ARL5B: variants seen among roughly 807,000 people sequenced by gnomAD.
ARL5B encodes ARF like GTPase 5B, also known as ADP-ribosylation factor-like protein 5B.
ARL5B carries 10 observed loss-of-function variants against 26.9 expected under a neutral mutation model. The ratio of observed to expected loss-of-function variants is 0.37; its 90% confidence interval spans 0.23 to 0.63. The LOEUF (loss-of-function observed/expected upper bound fraction) is 0.63. ARL5B is among the 30% of genes least tolerant of loss of function. ARL5B has a pLI of 0.62. For synonymous variants in ARL5B, 87 were observed against 70.4 expected, an observed-to-expected ratio of 1.24 and a Z score of -1.18; for missense variants, 167 against 213.9, an observed-to-expected ratio of 0.78 and a Z score of 1.37.
chr10:18,671,877 C>T (rs1001071703), intron 3 of ARL5B, among the ~76,000 whole-genome samples: 5 of 152,160 alleles, frequency 3.3e-5, no homozygotes, highest in Admixed American at 3.3e-4. Context: ...GTCTCAAACT[C>T]CTGGGCTCAA....
At chr10:18,662,767 G>C (rs138903949) in intron 1 of ARL5B, among the ~76,000 whole-genome samples, 7,314 of 150,586 alleles carry the variant, frequency 0.049, 275 homozygotes, top group Non-Finnish European at 0.077. Context: ...GCAGTGGTGC[G>C]ATCTCGGTCC....
At chr10:18,662,438 A>G (rs948423427) in intron 1 of ARL5B, among the ~76,000 whole-genome samples, 2 of 152,266 alleles carry the variant, frequency 1.3e-5, no homozygotes, top group African/African-American at 4.8e-5. Flanking sequence ...AATTCCTGCA[A>G]TTTTGTATTG....
chr10:18,659,787 A>G, intron 1 of ARL5B, 104 bp downstream of exon 1: 1 of 1,547,118 alleles, frequency 6.5e-7, no homozygotes, highest in South Asian at 1.2e-5. Flanking sequence ...GACGCGGAGG[A>G]GGAAGGGACT....
intron 4 of ARL5B, among the ~76,000 whole-genome samples, 168 bp downstream of exon 4, chr10:18,672,873 T>G (rs972766982): frequency 6.6e-6 from 1 of 152,204 alleles, no homozygotes; most frequent in Non-Finnish European, 1.5e-5. Flanking sequence ...TGTTCATTAC[T>G]TTTTCAAACT....
intron 5 of ARL5B, among the ~76,000 whole-genome samples, chr10:18,674,856 T>C (rs1477452772): frequency 6.6e-6 from 1 of 152,162 alleles, no homozygotes; most frequent in Non-Finnish European, 1.5e-5. Context: ...GAAGTTGCTA[T>C]TGACTTTCTC....
chr10:18,665,436 G>T (rs1480006556), intron 1 of ARL5B, among the ~76,000 whole-genome samples: 3 of 152,256 alleles, frequency 2.0e-5, no homozygotes, highest in Non-Finnish European at 4.4e-5. Context: ...CCAGAGGACC[G>T]TGTCTGTTTA....
chr10:18,659,686 GAGA>G lies in ARL5B; in HGVS notation c.46+8_46+10del, dbSNP rs765621006. 3.1e-6 allele frequency: 5 copies of G among 1,612,462 alleles called. No individual in the cohort carries two copies. Among genetic ancestry groups the G allele is most frequent in the Non-Finnish European group, 4.2e-6 (5 of 1,179,388 alleles). On this transcript the variant is annotated splice_donor_5th_base_variant and intron_variant, in intron 1 of 5. Coordinates refer to ENST00000377275, the MANE Select transcript of ARL5B (RefSeq NM_178815.5). ...GTGGAGCCTCTTCTGTAACCAAGGTGAGAAGAATGGAGCTGCGCGGCGGCTCGA... is the reference window on the plus strand; with the variant it reads ...GTGGAGCCTCTTCTGTAACCAAGGTGAGAATGGAGCTGCGCGGCGGCTCGA...
chr10:18,659,972 AG>A, intron 1 of ARL5B: 1 of 978,406 alleles, frequency 1.0e-6, no homozygotes, highest in Non-Finnish European at 1.2e-6. Context: ...TGATGCCAGG[AG>A]GCGTATGGAG....
chr10:18,668,770 CTTTTTT>C, intron 3 of ARL5B, 93 bp downstream of exon 3: 18 of 904,692 alleles, frequency 2.0e-5, no homozygotes, highest in Middle Eastern at 3.3e-4. Flanking sequence ...TGACAGTTGC[CTTTTTT>C]TTTTTTTTTT....
At chr10:18,668,856 G>A (rs1363733253) in intron 3 of ARL5B, among the ~76,000 whole-genome samples, 179 bp downstream of exon 3, 5 of 147,644 alleles carry the variant, frequency 3.4e-5, no homozygotes, top group African/African-American at 5.0e-5. Context: ...TGCAAGCTCC[G>A]CCTGCTGAGT....
At position 18,678,723 on chromosome 10, in the gene ARL5B, G is replaced by T. The variant is rs1016594473; in HGVS notation, c.*3507G>T. 44 of 151,396 alleles carry T rather than the reference G, an allele frequency of 2.9e-4. No homozygotes were observed. The highest frequency in any genetic ancestry group is 1.0e-3 in the African/African-American group (43 of 41,278). 9.4% of individuals were successfully genotyped at this position (151,396 alleles called of 1,614,324 possible). ...ACCAAAAAAACTTCACTCTAATTCA[G>T]TCCTAAAGGCTATTTTACATTTTGC... is the stretch of plus-strand genomic sequence containing the variant. On this transcript the variant is annotated 3_prime_UTR_variant, in exon 6 of 6. Coordinates refer to ENST00000377275, the MANE Select transcript of ARL5B (RefSeq NM_178815.5).
chr10:18,663,215 C>T (rs957023217), intron 1 of ARL5B, among the ~76,000 whole-genome samples: 4 of 151,690 alleles, frequency 2.6e-5, no homozygotes, highest in African/African-American at 9.7e-5. Context: ...ACCATGTTGG[C>T]TAGGCTGGCC....
At chr10:18,662,324 T>C (rs2059840617) in intron 1 of ARL5B, among the ~76,000 whole-genome samples, 1 of 152,218 alleles carries the variant, frequency 6.6e-6, no homozygotes, top group African/African-American at 2.4e-5. Flanking sequence ...CATCCTTTTT[T>C]TTCCTGTAGC....
intron 1 of ARL5B, 168 bp downstream of exon 1, chr10:18,659,851 A>C (rs959753387): frequency 1.9e-5 from 19 of 985,208 alleles, no homozygotes; most frequent in Non-Finnish European, 2.2e-5. Flanking sequence ...GACGTACAGG[A>C]GAGACCTGAC....
chr10:18,666,365 G>A (rs1048522305), intron 1 of ARL5B, among the ~76,000 whole-genome samples: 4 of 152,190 alleles, frequency 2.6e-5, no homozygotes, highest in African/African-American at 9.6e-5. Context: ...TCTTTTACAT[G>A]AGAACTAGAC....
rs1212679482 is a variant in ARL5B at position 18,666,619 on chromosome 10, A to T, written c.91A>T (p.Thr31Ser). The stretch of plus-strand genomic sequence containing the variant: ...GGGACTGGATAATGCAGGGAAAACC[A>T]CCATTCTTTACCAATTGTAAGTATG... ...IVGLDNAGKT[T>S]ILYQFLMNEV... The change falls in exon 2 of 6, where the codon ACC (threonine) becomes TCC (serine). Residue 31 changes from threonine to serine, a missense_variant. Thr to Ser is a moderately conservative substitution (Grantham distance 58). Transcript: ENST00000377275. 2.5e-6 allele frequency: 4 copies of T among 1,608,180 alleles called. No homozygotes were observed. In the African/African-American group the frequency reaches 5.3e-5, roughly 22 times the overall value.
intron 1 of ARL5B, 109 bp downstream of exon 1, chr10:18,659,792 G>C (rs551599459): frequency 1.3e-6 from 2 of 1,540,092 alleles, no homozygotes; most frequent in African/African-American, 2.8e-5. Context: ...GGAGGAGGAA[G>C]GGACTTAGGC....
intron 1 of ARL5B, 74 bp downstream of exon 1, chr10:18,659,757 CAG>C (rs943796790): frequency 1.0e-4 from 166 of 1,583,254 alleles, no homozygotes; most frequent in South Asian, 1.8e-4. Context: ...ACACCGGAGA[CAG>C]GGGACAGAGC....
At chr10:18,662,727 G>T (rs2059842452) in intron 1 of ARL5B, among the ~76,000 whole-genome samples, 1 of 148,838 alleles carries the variant, frequency 6.7e-6, no homozygotes. Flanking sequence ...TTAATGAGAT[G>T]GAGTCTCACT....
Sources: allele counts gnomAD v4.1 joint callset (sites outside exome capture counted in the v4.1 genomes callset), GRCh38; gene constraint gnomAD v4.1.1; transcripts MANE v1.5; gene names NCBI Gene and HGNC (gene_info 2026-07-23, HGNC 2026-07-21).